The following OSBPL10 variants were observed in gnomAD, a reference collection of about 807,000 sequenced individuals.
OSBPL10 encodes oxysterol binding protein like 10, also known as oxysterol-binding protein-related protein 10.
OSBPL10 carries 49 observed loss-of-function variants against 81.7 expected under a neutral mutation model. That is an observed-to-expected ratio of 0.60 (90% confidence interval 0.48 to 0.76). The LOEUF is 0.76. Ranked by LOEUF, OSBPL10 falls within the 30% of genes least tolerant of loss-of-function variation. OSBPL10 has a pLI of 0.00. For synonymous variants in OSBPL10, 419 were observed against 383.6 expected (o/e 1.09, Z -1.08); for missense variants, 923 against 987.8 (o/e 0.93, Z 0.88).
At chr3:31,682,593 C>T (rs1700680611) in intron 8 of OSBPL10, among the ~76,000 whole-genome samples, 1 of 152,236 alleles carries the variant, frequency 6.6e-6, no homozygotes, top group Non-Finnish European at 1.5e-5. Context: ...TGAGGCCTTC[C>T]CACTGGCCAG....
chr3:32,007,587 C>T (rs1014040804), intron 2 of OSBPL10, among the ~76,000 whole-genome samples: 1 of 152,130 alleles, frequency 6.6e-6, no homozygotes, highest in Non-Finnish European at 1.5e-5. Flanking sequence ...TCTGTCTTCT[C>T]ACTTTTTCTG....
intron 4 of OSBPL10, among the ~76,000 whole-genome samples, chr3:31,767,771 T>G (rs1220740777): frequency 6.6e-6 from 1 of 152,166 alleles, no homozygotes; most frequent in Non-Finnish European, 1.5e-5. Context: ...GACTTCAGAT[T>G]TGTTTCTTCC....
chr3:32,034,980 G>A lies in OSBPL10; in HGVS notation n.298+11511C>T, dbSNP rs561697669. On this transcript the variant is annotated intron_variant and non_coding_transcript_variant, in intron 2 of 3. Coordinates refer to the OSBPL10 transcript ENST00000479173. ...CACAGAGTGATAATTCTAGTAACAG[G>A]ACTTTAATACATGAACATGGGGTTT... Among the ~76,000 whole-genome samples, 6 of 152,266 alleles carry A rather than the reference G, an allele frequency of 3.9e-5. No homozygotes were observed. The East Asian group carries it at 1.2e-3, about 29-fold the overall frequency.
intron 1 of OSBPL10, among the ~76,000 whole-genome samples, chr3:31,958,920 T>TAAAGA (rs1698083136): frequency 1.3e-5 from 2 of 152,200 alleles, no homozygotes; most frequent in African/African-American, 2.4e-5. Context: ...TTCTAACCCC[T>TAAAGA]GTACTAAACC....
At chr3:31,755,775 G>C (rs1166549036) in intron 4 of OSBPL10, among the ~76,000 whole-genome samples, 1 of 152,278 alleles carries the variant, frequency 6.6e-6, no homozygotes, top group African/African-American at 2.4e-5. Context: ...CTCCAGTGTT[G>C]TCTCTAAACC....
intron 2 of OSBPL10, among the ~76,000 whole-genome samples, chr3:32,027,087 T>C (rs1575088138): frequency 6.6e-6 from 1 of 152,266 alleles, no homozygotes; most frequent in East Asian, 1.9e-4. Context: ...CATGCAGGTT[T>C]GTTACATAGG....
intron 3 of OSBPL10, among the ~76,000 whole-genome samples, chr3:31,832,220 A>G (rs1300981250): frequency 6.6e-6 from 1 of 152,240 alleles, no homozygotes; most frequent in Admixed American, 6.5e-5. Context: ...TAAAACAAAC[A>G]TACTGTGGAA....
intron 1 of OSBPL10, among the ~76,000 whole-genome samples, chr3:31,933,464 G>C (rs189047057): frequency 4.9e-4 from 75 of 151,946 alleles, no homozygotes; most frequent in African/African-American, 1.6e-3. Flanking sequence ...GAATGCAGTG[G>C]TGCTATCATA....
intron 4 of OSBPL10, among the ~76,000 whole-genome samples, chr3:31,788,961 CT>C (rs1401680024): frequency 7.2e-4 from 104 of 144,624 alleles, no homozygotes; most frequent in Admixed American, 6.9e-4. Context: ...ATGTTTCTTT[CT>C]TTTTTTTTTT....
At chr3:31,772,689 T>C (rs1423957857) in intron 4 of OSBPL10, among the ~76,000 whole-genome samples, 1 of 152,186 alleles carries the variant, frequency 6.6e-6, no homozygotes, top group Non-Finnish European at 1.5e-5. Flanking sequence ...CTGCCTTGTT[T>C]GCCCTCTCTG....
intron 3 of OSBPL10, among the ~76,000 whole-genome samples, chr3:31,856,744 C>T (rs539849329): frequency 2.2e-4 from 33 of 152,174 alleles, no homozygotes; most frequent in African/African-American, 6.0e-4. Context: ...GTAAGATGTA[C>T]GAGTTGAATG....
At chr3:31,664,043 C>G in intron 11 of OSBPL10, 36 bp downstream of exon 11, 2 of 1,614,130 alleles carry the variant, frequency 1.2e-6, no homozygotes, top group Non-Finnish European at 1.7e-6. Context: ...CAAGTTCTCT[C>G]CTGGGCAAGG....
chr3:31,955,120 A>G lies in OSBPL10; in HGVS notation c.281+25779T>C, dbSNP rs565940353. ...AAAATCATAGAAGCTACTGGCATCCAGGCATCCACTGGGGTTTAATGCAGC... is the reference window on the plus strand; with the variant it reads ...AAAATCATAGAAGCTACTGGCATCCGGGCATCCACTGGGGTTTAATGCAGC... On this transcript the variant is annotated intron_variant, in intron 1 of 11. Transcript: ENST00000396556. 3.3e-3 allele frequency among the ~76,000 whole-genome samples: 499 copies of G among 152,392 alleles called. 1 individual carries two copies. Among genetic ancestry groups the G allele is most frequent in the African/African-American group, 0.011 (476 of 41,600 alleles).
chr3:32,043,612 C>T (rs1375408264), intron 2 of OSBPL10, among the ~76,000 whole-genome samples: 1 of 152,172 alleles, frequency 6.6e-6, no homozygotes, highest in African/African-American at 2.4e-5. Flanking sequence ...CCGGTCCCTC[C>T]GTTTGGGATC....
At chr3:31,665,161 C>T (rs1466437212) in intron 10 of OSBPL10, among the ~76,000 whole-genome samples, 1 of 152,170 alleles carries the variant, frequency 6.6e-6, no homozygotes, top group Non-Finnish European at 1.5e-5. Context: ...CACAGCTTTC[C>T]TCCTCAGGAT....
At chr3:31,927,235 G>C (rs974647434) in intron 1 of OSBPL10, among the ~76,000 whole-genome samples, 1 of 152,120 alleles carries the variant, frequency 6.6e-6, no homozygotes, top group Non-Finnish European at 1.5e-5. Flanking sequence ...AGTTGAATCT[G>C]AAACATTTTC....
In OSBPL10 at chr3:32,001,849, C is replaced by T. The variant is rs1490134010; in HGVS notation, n.298+44642G>A. Among the ~76,000 whole-genome samples, 6 of 152,208 alleles carry T rather than the reference C, an allele frequency of 3.9e-5. No individual in the cohort carries two copies. In the East Asian group the frequency reaches 1.2e-3, roughly 29 times the overall value. On this transcript the variant is annotated intron_variant and non_coding_transcript_variant, in intron 2 of 3. Coordinates refer to the OSBPL10 transcript ENST00000479173. ...ATGGCCCCACTCAATTGAAATAACA[C>T]CCAGTAATCTCTATTATCCAATCCC...
intron 6 of OSBPL10, chr3:31,704,686 G>A (rs978727180): frequency 2.6e-5 from 4 of 152,074 alleles, no homozygotes; most frequent in African/African-American, 9.7e-5. Context: ...AGCAAAGAAT[G>A]ATTCATTCTT....
chr3:32,041,337 C>T (rs1699573260), intron 2 of OSBPL10, among the ~76,000 whole-genome samples: 3 of 152,190 alleles, frequency 2.0e-5, no homozygotes, highest in Admixed American at 6.5e-5. Context: ...TGGTACTTGC[C>T]GCAAAGCAGT....
Sources: allele counts gnomAD v4.1 joint callset (sites outside exome capture counted in the v4.1 genomes callset), GRCh38; gene constraint gnomAD v4.1.1; transcripts MANE v1.5; gene names NCBI Gene and HGNC (gene_info 2026-07-23, HGNC 2026-07-21).